TBC1D19: variants seen among roughly 807,000 people sequenced by gnomAD.
The protein encoded by TBC1D19 is TBC1 domain family, member 19.
Under a neutral mutation model 89.0 loss-of-function variants are expected in TBC1D19, and 60 were observed. The observed-to-expected ratio is 0.67, with a 90% CI of 0.55 to 0.84. The LOEUF is 0.84. Ranked by LOEUF, TBC1D19 falls within the 40% of genes least tolerant of loss-of-function variation. TBC1D19 has a pLI of 0.00. For missense variants in TBC1D19, 500 were observed against 610.8 expected, an observed-to-expected ratio of 0.82 and a Z score of 1.91; for synonymous variants, 189 against 199.7, an observed-to-expected ratio of 0.95 and a Z score of 0.45.
At chr4:26,729,602 C>A (rs1717526201) in intron 15 of TBC1D19, among the ~76,000 whole-genome samples, 1 of 151,990 alleles carries the variant, frequency 6.6e-6, no homozygotes, top group Admixed American at 6.6e-5. Flanking sequence ...AAAGAATTAT[C>A]AAGTTCAGAG....
intron 16 of TBC1D19, among the ~76,000 whole-genome samples, chr4:26,736,742 A>G (rs1389349287): frequency 6.6e-6 from 1 of 152,200 alleles, no homozygotes; most frequent in Non-Finnish European, 1.5e-5. Context: ...ACTGAGTTTG[A>G]GCTCATGATT....
the TBC1D19 span, among the ~76,000 whole-genome samples, chr4:26,767,878 C>G: frequency 6.6e-6 from 1 of 152,130 alleles, no homozygotes; most frequent in Admixed American, 6.6e-5. Flanking sequence ...GACAGTGACC[C>G]TTACAGTTGC....
At chr4:26,771,200 A>ACAACGATG in the TBC1D19 span, among the ~76,000 whole-genome samples, 1 of 152,064 alleles carries the variant, frequency 6.6e-6, no homozygotes, top group Non-Finnish European at 1.5e-5. Flanking sequence ...ATTACTGTTC[A>ACAACGATG]CAACGATGTT....
At chr4:26,608,347 A>G (rs1741137884) in intron 1 of TBC1D19, among the ~76,000 whole-genome samples, 1 of 152,200 alleles carries the variant, frequency 6.6e-6, no homozygotes, top group Admixed American at 6.5e-5. Context: ...GTTAATCACA[A>G]CATTAGCAAA....
chr4:26,802,806 C>A, the TBC1D19 span, among the ~76,000 whole-genome samples: 259 of 152,238 alleles, frequency 1.7e-3, no homozygotes, highest in Admixed American at 3.8e-3. Context: ...TAACAAAATA[C>A]CATAGACTGG....
In TBC1D19 at chr4:26,725,797, C is replaced by G. The variant is rs553302016; in HGVS notation, c.1084+5672C>G. ...ATGTAAGCTCCAAGAGAACAAGGACCTTAATAGTTTTGGTGATCAACATAT... is the reference window on the plus strand; with the variant it reads ...ATGTAAGCTCCAAGAGAACAAGGACGTTAATAGTTTTGGTGATCAACATAT... On this transcript the variant is annotated intron_variant, in intron 15 of 20. Transcript: ENST00000264866. 3.9e-5 allele frequency among the ~76,000 whole-genome samples: 6 copies of G among 152,164 alleles called. No homozygotes were observed. In the South Asian group the frequency reaches 1.2e-3, roughly 32 times the overall value.
Position 26,584,235 on chromosome 4 carries a change from G to C in TBC1D19, c.42G>C (p.Gln14His). 1 of 1,613,006 alleles carries C rather than the reference G, an allele frequency of 6.2e-7. No homozygotes were observed. The highest frequency in any genetic ancestry group is 1.3e-5 in the African/African-American group (1 of 75,052). ...CGGACCTCTCTCTCATTATTGCCCA[G>C]ATAGTCCAAAAGCTCAAGGGCTCCA... ...EESDLSLIIAQIVQKLKGSNL... is the reference protein window; with the variant it reads ...EESDLSLIIAHIVQKLKGSNL... The change falls in exon 1 of 21, where the codon CAG (glutamine) becomes CAC (histidine). Residue 14 changes from glutamine (Q) to histidine (H), a missense_variant. Transcript: ENST00000264866.
At chr4:26,749,242 T>C (rs1718812374) in intron 19 of TBC1D19, among the ~76,000 whole-genome samples, 1 of 152,144 alleles carries the variant, frequency 6.6e-6, no homozygotes, top group African/African-American at 2.4e-5. Flanking sequence ...ACTCAATTAC[T>C]TTATTAGTGA....
intron 13 of TBC1D19, among the ~76,000 whole-genome samples, chr4:26,691,561 G>A (rs926573387): frequency 2.0e-5 from 3 of 152,148 alleles, no homozygotes; most frequent in Non-Finnish European, 4.4e-5. Flanking sequence ...ATTACAGCCT[G>A]CTGAAGATTC....
At chr4:26,699,310 G>A (rs1715103186) in intron 13 of TBC1D19, among the ~76,000 whole-genome samples, 1 of 152,182 alleles carries the variant, frequency 6.6e-6, no homozygotes, top group African/African-American at 2.4e-5. Flanking sequence ...AAACCACAAT[G>A]AGATACCATC....
the TBC1D19 span, among the ~76,000 whole-genome samples, chr4:26,843,832 C>A: frequency 1.3e-5 from 2 of 152,062 alleles, no homozygotes; most frequent in African/African-American, 2.4e-5. Flanking sequence ...GAGCTTTTAC[C>A]CATGACAGAA....
chr4:26,601,925 T>A (rs1180092207), intron 1 of TBC1D19, among the ~76,000 whole-genome samples: 2 of 152,248 alleles, frequency 1.3e-5, no homozygotes, highest in Non-Finnish European at 2.9e-5. Context: ...GAATTGTTTC[T>A]TTTTCTATAG....
chr4:26,799,939 G>T, the TBC1D19 span, among the ~76,000 whole-genome samples: 3 of 95,914 alleles, frequency 3.1e-5, no homozygotes, highest in African/African-American at 7.8e-5. Context: ...AATATACAGA[G>T]AATTCTTTTT....
chr4:26,813,869 C>T, the TBC1D19 span, among the ~76,000 whole-genome samples: 5 of 152,194 alleles, frequency 3.3e-5, no homozygotes, highest in African/African-American at 9.6e-5. Context: ...AACTGAGGGC[C>T]GGGAGAACGG....
chr4:26,688,454 T>C lies in TBC1D19; in HGVS notation c.954+47T>C, dbSNP rs576445273. 2.2e-5 allele frequency: 32 copies of C among 1,466,292 alleles called. No homozygotes were observed. In the East Asian group the frequency reaches 7.8e-4, roughly 36 times the overall value. The allele number at this position is 1,466,292 out of a possible 1,614,324, so 90.8% of individuals were successfully genotyped here. A position where few individuals can be genotyped will look rare whatever the true frequency, so the allele number is the denominator to read the frequency against. ...CATAGTGTTCTTGTTTTAGGTTCTC[T>C]ATATCATGATACTTTAGGAGATATC... is the stretch of plus-strand genomic sequence containing the variant. On this transcript the variant is annotated intron_variant, in intron 13 of 20. Transcript: ENST00000264866.
At chr4:26,681,008 T>G (rs1338072085) in intron 11 of TBC1D19, among the ~76,000 whole-genome samples, 1 of 152,222 alleles carries the variant, frequency 6.6e-6, no homozygotes, top group Non-Finnish European at 1.5e-5. Flanking sequence ...TAGGTATATG[T>G]TATGAATGAC....
chr4:26,629,777 G>A (rs1020762209), intron 4 of TBC1D19, among the ~76,000 whole-genome samples: 2 of 151,774 alleles, frequency 1.3e-5, no homozygotes, highest in Non-Finnish European at 2.9e-5. Context: ...ATAGGAAAAG[G>A]CATACATTAT....
At chr4:26,611,296 ATG>A (rs1286017107) in intron 1 of TBC1D19, among the ~76,000 whole-genome samples, 5 of 152,084 alleles carry the variant, frequency 3.3e-5, no homozygotes, top group Non-Finnish European at 5.9e-5. Context: ...TATTTTTAAA[ATG>A]TCTTTGTCTT....
At chr4:26,622,378 A>G (rs142766066) in intron 4 of TBC1D19, among the ~76,000 whole-genome samples, 86 of 152,294 alleles carry the variant, frequency 5.6e-4, no homozygotes, top group Middle Eastern at 3.4e-3. Context: ...TGTAAGAAAC[A>G]AAACATAAAT....
Sources: gnomAD v4.1 joint callset for allele counts (sites outside exome capture counted in the v4.1 genomes callset) on GRCh38, gnomAD v4.1.1 for gene constraint, MANE v1.5 for transcripts, NCBI Gene and HGNC (gene_info 2026-07-23, HGNC 2026-07-21) for gene names.